The following TBPL2 variants were observed in gnomAD, a reference collection of about 807,000 sequenced individuals.
TBPL2 encodes the protein TATA-box binding protein like 2.
TBPL2 carries 40 observed loss-of-function variants against 38.2 expected under a neutral mutation model. That is an observed-to-expected ratio of 1.05 (90% CI 0.81 to 1.36). The LOEUF (loss-of-function observed/expected upper bound fraction) is 1.36. TBPL2 is among the 40% of genes most tolerant of loss of function. The pLI is 0.00. For synonymous variants in TBPL2, 169 were observed against 171.7 expected (o/e 0.98, Z 0.12); for missense variants, 461 against 456.7 (o/e 1.01, Z -0.09).
intron 6 of TBPL2, among the ~76,000 whole-genome samples, chr14:55,422,754 G>A (rs974600549): frequency 2.0e-5 from 3 of 152,116 alleles, no homozygotes; most frequent in African/African-American, 4.8e-5. Context: ...TCAGGAGGCC[G>A]AGGCAGGAGA....
intron 5 of TBPL2, among the ~76,000 whole-genome samples, chr14:55,428,117 A>ACCTTTTTTTT (rs1566592687): frequency 4.1e-5 from 2 of 48,352 alleles, no homozygotes; most frequent in African/African-American, 1.4e-4. Flanking sequence ...CACATGCCTT[A>ACCTTTTTTTT]TCTTTTTTTT....
At chr14:55,419,066 G>A (rs1218068689) in intron 6 of TBPL2, among the ~76,000 whole-genome samples, 7 of 152,256 alleles carry the variant, frequency 4.6e-5, no homozygotes, top group Admixed American at 4.6e-4. Context: ...TCACTGCTAA[G>A]AGAATCTTAA....
intron 5 of TBPL2, among the ~76,000 whole-genome samples, chr14:55,425,074 A>G (rs1885800663): frequency 6.6e-6 from 1 of 152,258 alleles, no homozygotes; most frequent in African/African-American, 2.4e-5. Flanking sequence ...GACTGCATGG[A>G]AAAGCTCCAT....
In TBPL2 at chr14:55,440,246, C is replaced by T. The variant is rs181401038; in HGVS notation, c.150+150G>A. On this transcript the variant is annotated intron_variant, in intron 1 of 6. Coordinates refer to ENST00000247219, the Ensembl canonical transcript of TBPL2. Reference sequence around the variant, plus strand: ...ACCTTGGTCAAATTATTTCACTTTTCGAAGCTTCTAACCTTCAACTTAATG... The same window carrying T: ...ACCTTGGTCAAATTATTTCACTTTTTGAAGCTTCTAACCTTCAACTTAATG... The T allele has an allele frequency of 2.5e-4, 241 of 957,182 alleles. 1 individual carries two copies. In the African/African-American group the frequency reaches 3.0e-3, roughly 12 times the overall value. The allele number at this position is 957,182 out of a possible 1,614,324, so 59.3% of individuals were successfully genotyped here. A position where few individuals can be genotyped will look rare whatever the true frequency, so the allele number is the denominator to read the frequency against.
intron 1 of TBPL2, among the ~76,000 whole-genome samples, chr14:55,437,937 T>C (rs1272887951): frequency 1.3e-5 from 2 of 152,218 alleles, no homozygotes; most frequent in African/African-American, 4.8e-5. Flanking sequence ...TCAATTTATT[T>C]TCAGTCCAGG....
intron 6 of TBPL2, among the ~76,000 whole-genome samples, chr14:55,423,816 A>C (rs1885780052): frequency 6.6e-6 from 1 of 152,208 alleles, no homozygotes; most frequent in Non-Finnish European, 1.5e-5. Context: ...TTTCCAGAAA[A>C]GAGTTTGTTA....
intron 5 of TBPL2, among the ~76,000 whole-genome samples, chr14:55,426,437 C>A (rs948066785): frequency 1.3e-5 from 2 of 151,964 alleles, no homozygotes; most frequent in Admixed American, 1.3e-4. Context: ...AACTGAATGA[C>A]CTTAGGGGTT....
chr14:55,432,205 C>T (rs1044104217), intron 4 of TBPL2, among the ~76,000 whole-genome samples: 2 of 146,548 alleles, frequency 1.4e-5, no homozygotes, highest in African/African-American at 5.1e-5. Flanking sequence ...CCCAGGAGTT[C>T]GAGACCAGCC....
chr14:55,431,955 C>G (rs1312810581), intron 4 of TBPL2, among the ~76,000 whole-genome samples: 1 of 152,046 alleles, frequency 6.6e-6, no homozygotes, highest in Non-Finnish European at 1.5e-5. Flanking sequence ...CTATCCTTTT[C>G]CTATCACAAA....
chr14:55,429,152 G>C (rs1480459474), intron 4 of TBPL2, among the ~76,000 whole-genome samples, 178 bp from the exon 5 acceptor site: 1 of 152,190 alleles, frequency 6.6e-6, no homozygotes, highest in Non-Finnish European at 1.5e-5. Flanking sequence ...CTTATAAAAG[G>C]TCTTGTAAAA....
At chr14:55,435,874 A>G (rs565292547) in exon 3 of TBPL2, 1 of 1,571,514 alleles carries the variant, frequency 6.4e-7, no homozygotes, top group South Asian at 1.2e-5. Flanking sequence ...CATTTTTTGC[A>G]TGCAAAGCTA....
At chr14:55,431,092 A>C (rs1885917916) in intron 4 of TBPL2, among the ~76,000 whole-genome samples, 2 of 152,200 alleles carry the variant, frequency 1.3e-5, no homozygotes. Flanking sequence ...GATCTTCTGC[A>C]CTTTTCCTAC....
chr14:55,425,817 T>C (rs985252393), intron 5 of TBPL2, among the ~76,000 whole-genome samples: 2 of 152,240 alleles, frequency 1.3e-5, no homozygotes, highest in African/African-American at 4.8e-5. Flanking sequence ...ATTACTGTCA[T>C]TGACTTGTCC....
chr14:55,426,721 A>AG (rs1330651166), intron 5 of TBPL2, among the ~76,000 whole-genome samples: 8 of 151,992 alleles, frequency 5.3e-5, no homozygotes, highest in Non-Finnish European at 1.0e-4. Context: ...ATTAAAAAAA[A>AG]AAAAAGAAAA....
intron 4 of TBPL2, among the ~76,000 whole-genome samples, chr14:55,430,398 TAAAAAAAAAAAAAAAA>T (rs370880582): frequency 8.3e-6 from 1 of 119,828 alleles, no homozygotes; most frequent in Non-Finnish European, 1.7e-5. Flanking sequence ...TCACCCACTT[TAAAAAAAAAAAAAAAA>T]AAAAAAAAAG....
At chr14:55,417,946 T>C (rs1885691406) in intron 6 of TBPL2, among the ~76,000 whole-genome samples, 1 of 152,226 alleles carries the variant, frequency 6.6e-6, no homozygotes, top group South Asian at 2.1e-4. Flanking sequence ...ATAAATTACT[T>C]AACCACTTTC....
At chr14:55,414,275 G>T in exon 7 of TBPL2, 2 of 867,468 alleles carry the variant, frequency 2.3e-6, no homozygotes, top group Non-Finnish European at 3.6e-6. Context: ...AATAAGTAAC[G>T]TACTTGTAAC....
At chr14:55,429,376 C>T (rs999133029) in intron 4 of TBPL2, among the ~76,000 whole-genome samples, 6 of 152,288 alleles carry the variant, frequency 3.9e-5, no homozygotes, top group East Asian at 1.9e-4. Flanking sequence ...GGGGTGGGGC[C>T]GAGCAATCTG....
At chr14:55,433,856 A>G in intron 3 of TBPL2, 135 bp from the exon 4 acceptor site, 1 of 646,104 alleles carries the variant, frequency 1.5e-6, no homozygotes, top group Non-Finnish European at 2.6e-6. Flanking sequence ...TTCTCCCTAC[A>G]TTAAGGTTAA....
Sources: gnomAD v4.1 joint callset for allele counts (sites outside exome capture counted in the v4.1 genomes callset) on GRCh38, gnomAD v4.1.1 for gene constraint, MANE v1.5 for transcripts, NCBI Gene and HGNC (gene_info 2026-07-23, HGNC 2026-07-21) for gene names.